The following AUTS2 variants were observed in gnomAD, a reference collection of about 807,000 sequenced individuals.
The protein encoded by AUTS2 is autism susceptibility gene 2 protein.
A neutral mutation model predicts 112.4 loss-of-function variants in AUTS2; 17 were observed. The observed-to-expected ratio is 0.15, with a 90% confidence interval of 0.10 to 0.23. AUTS2 has a LOEUF of 0.23. Ranked by LOEUF, AUTS2 falls within the 10% of genes least tolerant of loss-of-function variation. AUTS2 has a pLI of 1.00. For synonymous variants in AUTS2, 751 were observed against 702.7 expected (o/e 1.07, Z -1.09); for missense variants, 1,510 against 1,701.6 (o/e 0.89, Z 1.98).
intron 2 of AUTS2, among the ~76,000 whole-genome samples, chr7:69,945,590 T>C (rs901620986): frequency 1.3e-5 from 2 of 152,166 alleles, no homozygotes; most frequent in African/African-American, 4.8e-5. Flanking sequence ...TTGCCTTGCA[T>C]AGTTACCATT....
chr7:70,023,511 A>C (rs545127195), intron 2 of AUTS2, among the ~76,000 whole-genome samples: 1 of 152,268 alleles, frequency 6.6e-6, no homozygotes, highest in South Asian at 2.1e-4. Flanking sequence ...TGACTCTGTA[A>C]GTTTTTCAAC....
At chr7:70,219,256 G>C (rs1811341854) in intron 4 of AUTS2, among the ~76,000 whole-genome samples, 1 of 152,170 alleles carries the variant, frequency 6.6e-6, no homozygotes, top group Admixed American at 6.5e-5. Context: ...TGAGCATCAA[G>C]CACATTTATG....
At chr7:69,657,476 T>G (rs1217306081) in intron 1 of AUTS2, among the ~76,000 whole-genome samples, 6 of 152,224 alleles carry the variant, frequency 3.9e-5, no homozygotes, top group Admixed American at 2.0e-4. Context: ...GACTTGCCCT[T>G]AAGAGTCGCA....
intron 5 of AUTS2, among the ~76,000 whole-genome samples, chr7:70,444,343 C>G (rs891721291): frequency 7.2e-6 from 1 of 138,690 alleles, no homozygotes; most frequent in East Asian, 2.1e-4. Flanking sequence ...TGGTCATGTA[C>G]GTGTGTGTGT....
chr7:69,702,176 T>G lies in AUTS2; in HGVS notation c.309+102214T>G, dbSNP rs566384479. ...ATGCTCATGTGTGGTCTTCTGGGGA[T>G]TGATTAGTTGCTGGTAAGGAAGGAG... On this transcript the variant is annotated intron_variant, in intron 1 of 18. Coordinates refer to ENST00000342771, the MANE Select transcript of AUTS2 (RefSeq NM_015570.4). Among the ~76,000 whole-genome samples, 6 of 152,258 alleles carry G rather than the reference T, an allele frequency of 3.9e-5. No individual in the cohort carries two copies. The South Asian group carries it at 1.2e-3, about 32-fold the overall frequency.
At chr7:70,222,092 T>G (rs1811516421) in intron 4 of AUTS2, among the ~76,000 whole-genome samples, 1 of 152,222 alleles carries the variant, frequency 6.6e-6, no homozygotes, top group South Asian at 2.1e-4. Flanking sequence ...TAAAATTAAA[T>G]TACCTATGGA....
intron 4 of AUTS2, among the ~76,000 whole-genome samples, chr7:70,279,510 G>A (rs1030003570): frequency 6.6e-6 from 1 of 152,226 alleles, no homozygotes; most frequent in African/African-American, 2.4e-5. Context: ...GGCAGTCTCA[G>A]CTCTTAAGTT....
intron 2 of AUTS2, among the ~76,000 whole-genome samples, chr7:69,965,873 A>C (rs1459135994): frequency 1.3e-5 from 2 of 152,144 alleles, no homozygotes; most frequent in African/African-American, 4.8e-5. Flanking sequence ...TCTCAGTGTG[A>C]AGTTTTACTA....
intron 1 of AUTS2, among the ~76,000 whole-genome samples, chr7:69,702,498 G>A (rs1004287497): frequency 9.2e-5 from 14 of 152,146 alleles, no homozygotes; most frequent in African/African-American, 3.1e-4. Flanking sequence ...GGAGGACTTC[G>A]TAGTAGTTCT....
intron 4 of AUTS2, among the ~76,000 whole-genome samples, chr7:70,211,329 GA>G (rs1810874044): frequency 4.3e-5 from 3 of 70,578 alleles, no homozygotes; most frequent in South Asian, 1.5e-3. Context: ...TGATTTAAAA[GA>G]ATTTTTTTTT....
intron 4 of AUTS2, among the ~76,000 whole-genome samples, chr7:70,216,192 T>A (rs873835): frequency 0.34 from 51,073 of 151,992 alleles, 9,279 homozygotes; most frequent in African/African-American, 0.48. Context: ...CAAATTATAG[T>A]TAGTCTCCTT....
At chr7:70,052,313 C>T (rs1801792246) in intron 2 of AUTS2, among the ~76,000 whole-genome samples, 1 of 152,140 alleles carries the variant, frequency 6.6e-6, no homozygotes, top group Admixed American at 6.6e-5. Flanking sequence ...GGGGTTACAG[C>T]TAACATTTCC....
intron 5 of AUTS2, among the ~76,000 whole-genome samples, chr7:70,609,558 C>G (rs1585373372): frequency 6.6e-6 from 1 of 150,884 alleles, no homozygotes; most frequent in Non-Finnish European, 1.5e-5. Context: ...CCACGCCAAG[C>G]TAATTTTGTT....
rs114832634 is a variant in AUTS2, at chr7:70,757,104, C to A, written c.743-5766C>A. On this transcript the variant is annotated intron_variant, in intron 6 of 18. Transcript: ENST00000342771. Reference sequence around the variant, plus strand: ...TGGGAACTATCTATTACGTGACTGACTTAGTTCGCGCTTTTTTGCACTGAA... The same window carrying A: ...TGGGAACTATCTATTACGTGACTGAATTAGTTCGCGCTTTTTTGCACTGAA... Among the ~76,000 whole-genome samples, 636 of 152,320 alleles carry A rather than the reference C, an allele frequency of 4.2e-3. 7 individuals carry two copies. The highest frequency in any genetic ancestry group is 0.014 in the African/African-American group (567 of 41,564).
At chr7:70,287,606 A>C (rs139242091) in intron 4 of AUTS2, among the ~76,000 whole-genome samples, 9 of 152,170 alleles carry the variant, frequency 5.9e-5, no homozygotes, top group Non-Finnish European at 1.3e-4. Flanking sequence ...AAAATGTCAA[A>C]GTAAAATTAA....
intron 1 of AUTS2, among the ~76,000 whole-genome samples, chr7:69,886,361 A>G (rs1794272098): frequency 6.6e-6 from 1 of 152,228 alleles, no homozygotes; most frequent in African/African-American, 2.4e-5. Context: ...CTTTAGTAGT[A>G]ATTATTCCAT....
intron 4 of AUTS2, among the ~76,000 whole-genome samples, chr7:70,325,431 G>A (rs767738012): frequency 7.9e-5 from 12 of 152,120 alleles, no homozygotes; most frequent in Non-Finnish European, 1.3e-4. Context: ...ATAGGAATTC[G>A]TACGAAGAGT....
intron 1 of AUTS2, among the ~76,000 whole-genome samples, chr7:69,696,751 A>G (rs1797580084): frequency 6.6e-6 from 1 of 152,180 alleles, no homozygotes; most frequent in Non-Finnish European, 1.5e-5. Flanking sequence ...GTTCTGGTCA[A>G]TTTGTAAAAA....
At chr7:70,580,733 A>G (rs1430376635) in intron 5 of AUTS2, among the ~76,000 whole-genome samples, 2 of 152,176 alleles carry the variant, frequency 1.3e-5, no homozygotes, top group African/African-American at 4.8e-5. Context: ...ACAAACCTTC[A>G]AGGCAAATGG....
Sources: allele counts gnomAD v4.1 joint callset (sites outside exome capture counted in the v4.1 genomes callset), GRCh38; gene constraint gnomAD v4.1.1; transcripts MANE v1.5; gene names NCBI Gene and HGNC (gene_info 2026-07-23, HGNC 2026-07-21).